The following FOXO1 variants were observed in gnomAD, a reference collection of about 807,000 sequenced individuals.
FOXO1 encodes forkhead box protein O1.
Under a neutral mutation model 44.1 loss-of-function variants are expected in FOXO1, and 6 were observed. The observed-to-expected ratio is 0.14, with a 90% CI of 0.07 to 0.27. The LOEUF is 0.27. Ranked by LOEUF, FOXO1 falls within the 10% of genes least tolerant of loss-of-function variation. The probability of loss-of-function intolerance (pLI) is 1.00; values close to 1 mark genes in which losing one functional copy is unlikely to be tolerated. For synonymous variants in FOXO1, 380 were observed against 362.7 expected, an observed-to-expected ratio of 1.05 and a Z score of -0.54; for missense variants, 737 against 888.8, an observed-to-expected ratio of 0.83 and a Z score of 2.17.
intron 1 of FOXO1, among the ~76,000 whole-genome samples, chr13:40,606,520 C>T (rs1876006765): frequency 6.6e-6 from 1 of 152,134 alleles, no homozygotes; most frequent in African/African-American, 2.4e-5. Flanking sequence ...ACCATGTTGG[C>T]CAGGCTGGCC....
chr13:40,642,101 T>C (rs1221129899), intron 1 of FOXO1, among the ~76,000 whole-genome samples: 1 of 152,208 alleles, frequency 6.6e-6, no homozygotes, highest in African/African-American at 2.4e-5. Flanking sequence ...TTGGGGATAG[T>C]GGGAATATCT....
At chr13:40,656,834 T>A in intron 1 of FOXO1, among the ~76,000 whole-genome samples, 1 of 143,512 alleles carries the variant, frequency 7.0e-6, no homozygotes, top group East Asian at 2.2e-4. Context: ...CTCTGAGAAA[T>A]TTTTTTTTTT....
chr13:40,664,266 C>G (rs1009532392), intron 1 of FOXO1, among the ~76,000 whole-genome samples: 1 of 152,134 alleles, frequency 6.6e-6, no homozygotes, highest in Admixed American at 6.5e-5. Flanking sequence ...AGCGAGACTC[C>G]GTCTCGGAGG....
chr13:40,658,403 T>G (rs1877923491), intron 1 of FOXO1, among the ~76,000 whole-genome samples: 1 of 152,154 alleles, frequency 6.6e-6, no homozygotes, highest in African/African-American at 2.4e-5. Flanking sequence ...AACTAGACCA[T>G]TAACCCAACT....
intron 1 of FOXO1, among the ~76,000 whole-genome samples, chr13:40,589,552 C>T (rs2137863027): frequency 6.6e-6 from 1 of 152,328 alleles, no homozygotes. Flanking sequence ...CTTTGTTACT[C>T]TATCAGCATT....
chr13:40,654,284 T>C (rs999222213), intron 1 of FOXO1, among the ~76,000 whole-genome samples: 1 of 123,846 alleles, frequency 8.1e-6, no homozygotes, highest in Non-Finnish European at 1.6e-5. Context: ...AAGACCAGCC[T>C]AGCCAAGACA....
At chr13:40,641,667 T>C (rs1303137541) in intron 1 of FOXO1, among the ~76,000 whole-genome samples, 1 of 152,140 alleles carries the variant, frequency 6.6e-6, no homozygotes, top group Non-Finnish European at 1.5e-5. Flanking sequence ...ACTGAAGTGA[T>C]TAAGAGTCAC....
At chr13:40,571,590 A>AAT (rs1399974197) in intron 1 of FOXO1, among the ~76,000 whole-genome samples, 2 of 152,128 alleles carry the variant, frequency 1.3e-5, no homozygotes, top group African/African-American at 2.4e-5. Flanking sequence ...CAGTGACCTA[A>AAT]AGGGGCCTTC....
intron 1 of FOXO1, among the ~76,000 whole-genome samples, chr13:40,577,281 TC>T (rs1394294872): frequency 6.6e-6 from 1 of 151,990 alleles, no homozygotes; most frequent in African/African-American, 2.4e-5. Flanking sequence ...ACAACAGAAT[TC>T]GATTATAAAC....
intron 1 of FOXO1, among the ~76,000 whole-genome samples, chr13:40,591,298 G>A (rs887308774): frequency 1.6e-4 from 25 of 152,178 alleles, no homozygotes; most frequent in African/African-American, 3.4e-4. Flanking sequence ...TTTCCTAGCC[G>A]GGTGGCTCCC....
chr13:40,574,889 TAG>T (rs1187068844), intron 1 of FOXO1, among the ~76,000 whole-genome samples: 2 of 152,182 alleles, frequency 1.3e-5, no homozygotes, highest in Non-Finnish European at 2.9e-5. Context: ...TAGCCAAACC[TAG>T]AAAACTCTTT....
chr13:40,620,365 G>A (rs914905704), intron 1 of FOXO1: 35 of 713,040 alleles, frequency 4.9e-5, no homozygotes, highest in Non-Finnish European at 6.8e-5. Context: ...ATCATTTCTC[G>A]TTTAGAGCGG....
chr13:40,617,417 A>G (rs1348025752), intron 1 of FOXO1, among the ~76,000 whole-genome samples: 2 of 152,066 alleles, frequency 1.3e-5, no homozygotes, highest in Non-Finnish European at 2.9e-5. Context: ...CCTGGGCAAC[A>G]AGAGCAAAAC....
intron 1 of FOXO1, among the ~76,000 whole-genome samples, chr13:40,605,444 T>C (rs1469159198): frequency 6.6e-6 from 1 of 152,128 alleles, no homozygotes; most frequent in East Asian, 1.9e-4. Flanking sequence ...CATTTCCTAC[T>C]CGATAGCTCC....
intron 1 of FOXO1, among the ~76,000 whole-genome samples, chr13:40,594,999 A>G (rs993907204): frequency 2.6e-5 from 4 of 152,176 alleles, no homozygotes; most frequent in African/African-American, 9.7e-5. Context: ...AGTAGACTTT[A>G]TATATGCTTA....
At chr13:40,607,962 T>C (rs1255547235) in intron 1 of FOXO1, among the ~76,000 whole-genome samples, 1 of 152,222 alleles carries the variant, frequency 6.6e-6, no homozygotes, top group Non-Finnish European at 1.5e-5. Context: ...TTACCTCAAT[T>C]CACGTACCCT....
chr13:40,647,123 T>G (rs1877535975), intron 1 of FOXO1, among the ~76,000 whole-genome samples: 1 of 152,172 alleles, frequency 6.6e-6, no homozygotes, highest in Non-Finnish European at 1.5e-5. Context: ...TGTACTAGGA[T>G]TAGGACTGCT....
intron 1 of FOXO1, among the ~76,000 whole-genome samples, chr13:40,570,818 G>A (rs145011707): frequency 2.0e-5 from 3 of 152,198 alleles, no homozygotes; most frequent in African/African-American, 7.2e-5. Context: ...CAATACTATG[G>A]GCTCTATGCA....
At chr13:40,643,581 C>T (rs1877421390) in intron 1 of FOXO1, among the ~76,000 whole-genome samples, 1 of 152,034 alleles carries the variant, frequency 6.6e-6, no homozygotes, top group African/African-American at 2.4e-5. Flanking sequence ...AGCACAAAAA[C>T]AATATAAGTC....
Sources: allele counts gnomAD v4.1 joint callset (sites outside exome capture counted in the v4.1 genomes callset), GRCh38; gene constraint gnomAD v4.1.1; transcripts MANE v1.5; gene names NCBI Gene and HGNC (gene_info 2026-07-23, HGNC 2026-07-21).